LNX2: variants seen among roughly 807,000 people sequenced by gnomAD.
The protein encoded by LNX2 is ligand of numb-protein X 2.
Under a neutral mutation model 66.2 loss-of-function variants are expected in LNX2, and 35 were observed. The ratio of observed to expected loss-of-function variants is 0.53; its 90% CI spans 0.40 to 0.70. LNX2 has a LOEUF of 0.70. Among genes scored for constraint, LNX2 ranks in the 30% least tolerant of loss-of-function variants. LNX2 has a pLI of 0.00. For missense variants in LNX2, 791 were observed against 850.8 expected, an observed-to-expected ratio of 0.93 and a Z score of 0.87; for synonymous variants, 337 against 315.6, an observed-to-expected ratio of 1.07 and a Z score of -0.72.
At chr13:27,605,140 T>C (rs1338675369) in intron 1 of LNX2, among the ~76,000 whole-genome samples, 2 of 152,198 alleles carry the variant, frequency 1.3e-5, no homozygotes, top group African/African-American at 4.8e-5. Context: ...TTTCACTACG[T>C]AAGCTTGAAG....
intron 2 of LNX2, among the ~76,000 whole-genome samples, chr13:27,577,858 G>A (rs1482691802): frequency 6.6e-6 from 1 of 152,208 alleles, no homozygotes; most frequent in Non-Finnish European, 1.5e-5. Context: ...TTGGAGATGA[G>A]TGGTAGAGCG....
intron 9 of LNX2, among the ~76,000 whole-genome samples, chr13:27,549,631 A>G (rs1954982891): frequency 6.6e-6 from 1 of 152,232 alleles, no homozygotes; most frequent in African/African-American, 2.4e-5. Context: ...CAGGGATAAT[A>G]AAGAAACTTA....
Position 27,614,771 on chromosome 13 carries a change from G to A in LNX2, c.-101+5604C>T, listed in dbSNP as rs1164440896. 2.6e-5 allele frequency among the ~76,000 whole-genome samples: 4 copies of A among 152,138 alleles called. No homozygotes were observed. The East Asian group carries it at 7.7e-4, about 29-fold the overall frequency. On this transcript the variant is annotated intron_variant, in intron 1 of 9. Coordinates refer to ENST00000316334, the MANE Select transcript of LNX2 (RefSeq NM_153371.4). The stretch of plus-strand genomic sequence containing the variant: ...TTATTTATTGGTCTAAATGATAAGG[G>A]TTCTCATAAACGATTAAGTCTTTAA...
At chr13:27,556,484 C>G (rs1016629882) in intron 6 of LNX2, 71 bp from the exon 7 acceptor site, 1 of 1,265,232 alleles carries the variant, frequency 7.9e-7, no homozygotes, top group Non-Finnish European at 1.1e-6. Context: ...TTACTTCAAA[C>G]TAAGGTAATA....
At position 27,548,342 on chromosome 13, in the gene LNX2, A is replaced by G. The variant is rs1275911016; in HGVS notation, c.2066T>C (p.Leu689Pro). Residue 689 changes from leucine (L) to proline (P), a missense_variant, in exon 10 of 10, where the codon CTT becomes CCT. By Grantham distance (98) the Leu-to-Pro change is moderately conservative. Coordinates refer to ENST00000316334, the MANE Select transcript of LNX2 (RefSeq NM_153371.4). ...GAAACCAATTTCCAAAATCTATACA[A>G]GGCTGCCAGGCCAACAAATAACGGT... ...TLTVICWPGS[L>P]V 2 of 1,611,682 alleles carry G rather than the reference A, an allele frequency of 1.2e-6. No individual in the cohort carries two copies. The highest frequency in any genetic ancestry group is 1.7e-6 in the Non-Finnish European group (2 of 1,179,280).
chr13:27,618,735 C>T (rs1209933343), intron 1 of LNX2, among the ~76,000 whole-genome samples: 1 of 152,198 alleles, frequency 6.6e-6, no homozygotes, highest in Non-Finnish European at 1.5e-5. Flanking sequence ...CTACTACCTC[C>T]ACCTCGGACA....
Position 27,569,169 on chromosome 13 carries a change from C to T in LNX2, c.515G>A (p.Gly172Asp). 1.2e-6 allele frequency: 2 copies of T among 1,612,370 alleles called. No homozygotes were observed. Among genetic ancestry groups the T allele is most frequent in the Non-Finnish European group, 1.7e-6 (2 of 1,179,428 alleles). ...ACAGTCTGCTTCTGGAGATAAGGTA[C>T]CTGCAGGATCTAGTAGAGTGGGCCC... ...ENGPTLLDPA[G>D]TLSPEADCLG... Residue 172 changes from glycine to aspartate, a missense_variant, in exon 3 of 10, where the codon GGT becomes GAT. Coordinates refer to ENST00000316334, the MANE Select transcript of LNX2 (RefSeq NM_153371.4).
intron 1 of LNX2, among the ~76,000 whole-genome samples, chr13:27,587,288 C>A (rs536889249): frequency 4.1e-4 from 62 of 152,150 alleles, no homozygotes; most frequent in Middle Eastern, 6.8e-3. Context: ...CTTGAGCGCT[C>A]CCCCCCTTCC....
rs140259362 is a variant in LNX2, at chr13:27,557,417, G to A, written c.1369-1004C>T. On this transcript the variant is annotated intron_variant, in intron 6 of 9. Transcript: ENST00000316334. Reference sequence around the variant, plus strand: ...TTAATACAAATAGTATTTTGTATATGTTTATATAGTGTGATAGACTACATG... The same window carrying A: ...TTAATACAAATAGTATTTTGTATATATTTATATAGTGTGATAGACTACATG... Among the ~76,000 whole-genome samples the A allele has an allele frequency of 3.6e-3, 542 of 152,050 alleles. 3 individuals carry two copies. Among genetic ancestry groups the A allele is most frequent in the African/African-American group, 0.012 (516 of 41,518 alleles).
chr13:27,560,585 A>ATATATATATG (rs1555267008), intron 5 of LNX2, among the ~76,000 whole-genome samples: 1 of 147,598 alleles, frequency 6.8e-6, no homozygotes, highest in Admixed American at 6.7e-5. Flanking sequence ...ATATATATAT[A>ATATATATATG]GCATACTTGT....
intron 1 of LNX2, among the ~76,000 whole-genome samples, chr13:27,583,261 C>CGCGCGCGCGCGCGCCGCGT (rs11281345): frequency 2.2e-5 from 1 of 45,480 alleles, no homozygotes; most frequent in Non-Finnish European, 4.5e-5. Context: ...TGTGTGCGCG[C>CGCGCGCGCGCGCGCCGCGT]GTCCTCTCCA....
intron 5 of LNX2, among the ~76,000 whole-genome samples, chr13:27,560,759 T>A (rs1955125877): frequency 6.6e-6 from 1 of 152,084 alleles, no homozygotes; most frequent in East Asian, 1.9e-4. Context: ...TCTAATTTAT[T>A]TGATGCTGAC....
At chr13:27,588,529 T>C (rs937671901) in intron 1 of LNX2, among the ~76,000 whole-genome samples, 4 of 152,240 alleles carry the variant, frequency 2.6e-5, no homozygotes, top group South Asian at 2.1e-4. Context: ...GGGCAAATAA[T>C]AGGGCAACAC....
intron 6 of LNX2, among the ~76,000 whole-genome samples, chr13:27,556,887 C>T (rs907892594): frequency 1.3e-5 from 2 of 152,206 alleles, no homozygotes; most frequent in Non-Finnish European, 2.9e-5. Context: ...TCCTGATTCT[C>T]ACTGACTACT....
At chr13:27,595,176 A>G (rs370961551) in intron 1 of LNX2, among the ~76,000 whole-genome samples, 5 of 152,232 alleles carry the variant, frequency 3.3e-5, no homozygotes, top group African/African-American at 1.2e-4. Context: ...GTCCTTTCCT[A>G]CCTTGGGTAT....
At chr13:27,566,509 T>G (rs567412779) in intron 4 of LNX2, among the ~76,000 whole-genome samples, 1 of 152,290 alleles carries the variant, frequency 6.6e-6, no homozygotes, top group South Asian at 2.1e-4. Flanking sequence ...TGGAGGACCC[T>G]GACTATTAGA....
intron 1 of LNX2, among the ~76,000 whole-genome samples, chr13:27,608,585 A>G (rs888771442): frequency 6.6e-6 from 1 of 152,208 alleles, no homozygotes; most frequent in Non-Finnish European, 1.5e-5. Flanking sequence ...TTATATCTTC[A>G]TGTAGTTTAT....
intron 1 of LNX2, among the ~76,000 whole-genome samples, chr13:27,604,611 TTATC>T (rs1309419228): frequency 6.6e-6 from 1 of 152,152 alleles, no homozygotes; most frequent in African/African-American, 2.4e-5. Flanking sequence ...TTTCTTACTC[TTATC>T]TGTTTTTCCA....
At chr13:27,597,554 G>C (rs1054047518) in intron 1 of LNX2, among the ~76,000 whole-genome samples, 8 of 152,196 alleles carry the variant, frequency 5.3e-5, no homozygotes, top group African/African-American at 1.7e-4. Context: ...TAGGTACAGA[G>C]AGAAAGCAAG....
Sources: allele counts gnomAD v4.1 joint callset (sites outside exome capture counted in the v4.1 genomes callset), GRCh38; gene constraint gnomAD v4.1.1; transcripts MANE v1.5; gene names NCBI Gene and HGNC (gene_info 2026-07-23, HGNC 2026-07-21).